Variants in FAM186A observed in about 807,000 individuals in gnomAD.
The protein encoded by FAM186A is protein FAM186A.
Under a neutral mutation model 216.8 loss-of-function variants are expected in FAM186A, and 163 were observed. That is an observed-to-expected ratio of 0.75 (90% confidence interval 0.66 to 0.86). The LOEUF (loss-of-function observed/expected upper bound fraction) is 0.86. Among genes scored for constraint, FAM186A ranks in the 40% least tolerant of loss-of-function variants. FAM186A has a pLI of 0.00. For missense variants in FAM186A, 2,184 were observed against 2,746.2 expected (o/e 0.80, Z 4.58); for synonymous variants, 805 against 1,025.3 (o/e 0.79, Z 4.10).
intron 3 of FAM186A, 54 bp from the exon 4 acceptor site, chr12:50,356,302 T>C: frequency 1.4e-6 from 2 of 1,391,060 alleles, no homozygotes; most frequent in Non-Finnish European, 1.9e-6. Flanking sequence ...TTGCATTGTG[T>C]TCTATCTATG....
intron 1 of FAM186A, among the ~76,000 whole-genome samples, chr12:50,374,248 A>G (rs1363468193): frequency 6.6e-6 from 1 of 151,908 alleles, no homozygotes; most frequent in Non-Finnish European, 1.5e-5. Context: ...ACATGTATAC[A>G]TATGTAACTA....
At chr12:50,377,848 C>G (rs1405378339) in intron 1 of FAM186A, among the ~76,000 whole-genome samples, 10 of 127,352 alleles carry the variant, frequency 7.9e-5, no homozygotes, top group Non-Finnish European at 1.4e-4. Context: ...AAAAAAAAAA[C>G]AAGAAAAGAA....
At chr12:50,377,909 A>C (rs1943213484) in intron 1 of FAM186A, among the ~76,000 whole-genome samples, 2 of 151,910 alleles carry the variant, frequency 1.3e-5, no homozygotes, top group Non-Finnish European at 2.9e-5. Flanking sequence ...AGACTTCTGC[A>C]ATATGAAAGA....
intron 1 of FAM186A, among the ~76,000 whole-genome samples, chr12:50,373,972 T>TA: frequency 6.6e-6 from 1 of 151,796 alleles, no homozygotes. Flanking sequence ...TATGCAGCCA[T>TA]AAAAAATGAT....
At chr12:50,357,886 G>A (rs1942994239) in intron 3 of FAM186A, among the ~76,000 whole-genome samples, 2 of 152,050 alleles carry the variant, frequency 1.3e-5, no homozygotes, top group South Asian at 4.1e-4. Context: ...GGCTGAGGCA[G>A]GAGAATCGCT....
At position 50,356,110 on chromosome 12, in the gene FAM186A, A is replaced by G; in HGVS notation, c.722T>C (p.Leu241Pro). The change falls in exon 4 of 8, where the codon CTA becomes CCA. Residue 241 changes from leucine (L) to proline (P), a missense_variant. Leu to Pro is a moderately conservative substitution (Grantham distance 98). This residue lies in a region of FAM186A where 1,132 missense variants were observed against 1,263.4 expected (regional missense o/e 0.90). Coordinates refer to ENST00000327337, the MANE Select transcript of FAM186A (RefSeq NM_001145475.3). ...CATTGTGGTGCCTATGAGTTCCTGT[A>G]GCATACCTTGGATTTCTGAAACCTT... ...NTKVSEIQGMLQELIGTTMFS... is the reference protein window; with the variant it reads ...NTKVSEIQGMPQELIGTTMFS... 1 of 1,551,684 alleles carries G rather than the reference A, an allele frequency of 6.4e-7. No individual in the cohort carries two copies. The highest frequency in any genetic ancestry group is 8.7e-7 in the Non-Finnish European group (1 of 1,146,980).
intron 4 of FAM186A, among the ~76,000 whole-genome samples, chr12:50,341,712 G>C (rs1387388643): frequency 6.6e-6 from 1 of 152,184 alleles, no homozygotes; most frequent in Non-Finnish European, 1.5e-5. Context: ...ATGTGCATCT[G>C]TAATCCCAGC....
rs1565884539 is a variant in FAM186A at position 50,352,129 on chromosome 12, G to A, written c.4703C>T (p.Thr1568Ile). The A allele has an allele frequency of 6.5e-7, 1 of 1,541,898 alleles. No homozygotes were observed. Among genetic ancestry groups the A allele is most frequent in the East Asian group, 2.5e-5 (1 of 40,280 alleles). The part of the protein sequence containing the change: ...PQAQELEIPL[T>I]PQQAQALGIP... ...CCCCAGGGCCTGGGCCTGCTGAGGG[G>A]TGAGAGGGATCTCCAATTCCTGAGC... is the stretch of plus-strand genomic sequence containing the variant. Residue 1568 changes from threonine to isoleucine, a missense_variant, in exon 4 of 8, where the codon ACC (threonine) becomes ATC (isoleucine). By Grantham distance (89) the Thr-to-Ile change is moderately conservative (BLOSUM62 -1). This residue lies in a region of FAM186A where 16 missense variants were observed against 91.3 expected (regional missense o/e 0.18). Transcript: ENST00000327337.
At chr12:50,358,089 C>A (rs1051947760) in intron 3 of FAM186A, among the ~76,000 whole-genome samples, 2 of 152,018 alleles carry the variant, frequency 1.3e-5, no homozygotes, top group Non-Finnish European at 2.9e-5. Context: ...CATACTAATT[C>A]TTCTGCCTCT....
rs568248870 is a variant in FAM186A, at chr12:50,346,423, G to C, written c.6503+3906C>G. Among the ~76,000 whole-genome samples the C allele has an allele frequency of 6.6e-5, 10 of 151,948 alleles. No individual in the cohort carries two copies. The South Asian group carries it at 1.9e-3, about 28-fold the overall frequency. On this transcript the variant is annotated intron_variant, in intron 4 of 7. Transcript: ENST00000327337. ...ATTTTTGTATTTTTATTAGAGACAG[G>C]GTTTCATCATGTAGGCCAGGTGAAC...
intron 1 of FAM186A, among the ~76,000 whole-genome samples, chr12:50,384,578 G>T (rs774002758): frequency 7.2e-5 from 11 of 152,134 alleles, no homozygotes; most frequent in Non-Finnish European, 5.9e-5. Context: ...AAACAGTGTG[G>T]TACTAGCATA....
chr12:50,365,038 C>CAAAAAAAA (rs61497355), intron 1 of FAM186A, among the ~76,000 whole-genome samples: 1 of 110,820 alleles, frequency 9.0e-6, no homozygotes, highest in African/African-American at 3.5e-5. Flanking sequence ...AACTCCGTCT[C>CAAAAAAAA]AAAAAAAAAA....
At chr12:50,394,275 T>C (rs1185420383) in intron 1 of FAM186A, among the ~76,000 whole-genome samples, 1 of 152,080 alleles carries the variant, frequency 6.6e-6, no homozygotes, top group Non-Finnish European at 1.5e-5. Context: ...ATATATAAAA[T>C]GGGCTGGACG....
Position 50,351,524 on chromosome 12 carries a change from C to G in FAM186A, c.5308G>C (p.Gly1770Arg). 1 of 1,517,338 alleles carries G rather than the reference C, an allele frequency of 6.6e-7. No homozygotes were observed. The highest frequency in any genetic ancestry group is 8.8e-7 in the Non-Finnish European group (1 of 1,132,834). 94.0% of individuals were successfully genotyped at this position (1,517,338 alleles called of 1,614,324 possible). ...AGGGGCTTCCCAGGGGCAAAGGGGC[C>G]TTGGTTGAGGGGAACCCTTGATATC... ...LQISRVPLNQ[G>R]PFAPGKPLEM... is the part of the protein sequence containing the mutation. The change falls in exon 4 of 8, where the codon GGC becomes CGC. Residue 1770 changes from glycine (G) to arginine (R), a missense_variant. Physicochemically the swap from Gly to Arg is moderately radical, Grantham distance 125 (BLOSUM62 -2). This residue lies in a region of FAM186A where 721 missense variants were observed against 816.4 expected (regional missense o/e 0.88). Transcript: ENST00000327337.
intron 3 of FAM186A, among the ~76,000 whole-genome samples, chr12:50,358,037 T>C (rs1469874345): frequency 1.3e-5 from 2 of 152,156 alleles, no homozygotes; most frequent in Non-Finnish European, 2.9e-5. Flanking sequence ...TGTTTCCCAA[T>C]TGCAATGGAA....
intron 6 of FAM186A, 52 bp downstream of exon 6, chr12:50,331,618 A>G (rs1942656732): frequency 1.3e-6 from 2 of 1,498,754 alleles, no homozygotes; most frequent in Admixed American, 5.3e-5. Context: ...GGAAAAAAAA[A>G]TTAGGTCCCA....
intron 3 of FAM186A, among the ~76,000 whole-genome samples, chr12:50,358,521 G>T (rs552581048): frequency 6.6e-6 from 1 of 151,718 alleles, no homozygotes; most frequent in Non-Finnish European, 1.5e-5. Flanking sequence ...AATTCCAGGC[G>T]GCAGTGTACT....
chr12:50,345,448 C>G (rs1430173976), intron 4 of FAM186A, among the ~76,000 whole-genome samples: 1 of 151,972 alleles, frequency 6.6e-6, no homozygotes, highest in Non-Finnish European at 1.5e-5. Context: ...ATGGTATTTC[C>G]TAGGTTTTCT....
At chr12:50,366,047 G>C in intron 1 of FAM186A, 1 of 751,342 alleles carries the variant, frequency 1.3e-6, no homozygotes. Flanking sequence ...GAAAGGAAAA[G>C]AGCAAATACA....
Sources: gnomAD v4.1 joint callset for allele counts (sites outside exome capture counted in the v4.1 genomes callset) on GRCh38, gnomAD v4.1.1 for gene constraint, gnomAD v4.1.1 regional missense constraint, MANE v1.5 for transcripts, NCBI Gene and HGNC (gene_info 2026-07-23, HGNC 2026-07-21) for gene names.